The following CSE1L variants were observed in gnomAD, a reference collection of about 807,000 sequenced individuals.
CSE1L encodes the protein chromosome segregation 1 like.
In CSE1L, 24 loss-of-function variants were observed where a neutral mutation model predicts 120.4. The ratio of observed to expected loss-of-function variants is 0.20; its 90% CI spans 0.14 to 0.28. The LOEUF is 0.28. Ranked by LOEUF, CSE1L falls within the 10% of genes least tolerant of loss-of-function variation. The pLI is 1.00. For missense variants in CSE1L, 830 were observed against 1,145.2 expected (o/e 0.72, Z 3.97); for synonymous variants, 402 against 398.3 (o/e 1.01, Z -0.11).
intron 24 of CSE1L, 87 bp downstream of exon 24, chr20:49,095,050 A>G: frequency 9.9e-7 from 1 of 1,014,800 alleles, no homozygotes; most frequent in South Asian, 1.4e-5. Context: ...GTCTGTTTTC[A>G]TTGGTGGGCG....
intron 10 of CSE1L, among the ~76,000 whole-genome samples, chr20:49,073,566 A>G (rs767924488): frequency 2.0e-5 from 3 of 152,062 alleles, no homozygotes; most frequent in East Asian, 3.9e-4. Flanking sequence ...GCTTACTGCA[A>G]CCTCAACTTC....
chr20:49,065,312 A>ATTTTTTTTTTTTTTTTTTTTTTTTT (rs1568769017), intron 3 of CSE1L, among the ~76,000 whole-genome samples: 5 of 79,418 alleles, frequency 6.3e-5, no homozygotes, highest in Admixed American at 1.5e-4. Context: ...ATGAAAAAAA[A>ATTTTTTTTTTTTTTTTTTTTTTTTT]ATTTTTTTTT....
chr20:49,078,705 C>A, intron 14 of CSE1L, 83 bp downstream of exon 14: 3 of 821,276 alleles, frequency 3.7e-6, no homozygotes, highest in Non-Finnish European at 3.7e-6. Flanking sequence ...ACTGTGCAGT[C>A]ATTTTATATC....
In CSE1L at chr20:49,066,271, G is replaced by A; in HGVS notation, c.308G>A (p.Ser103Asn). 2 of 1,614,202 alleles carry A rather than the reference G, an allele frequency of 1.2e-6. No homozygotes were observed. Among genetic ancestry groups the A allele is most frequent in the Non-Finnish European group, 1.7e-6 (2 of 1,180,036 alleles). Residue 103 changes from serine to asparagine, a missense_variant, in exon 4 of 25, where the codon AGC becomes AAC. Ser to Asn is a conservative substitution (Grantham distance 46). Around this residue, in one of 4 missense-constraint regions of CSE1L, gnomAD observed 543 missense variants for 640.2 expected, o/e 0.85. Transcript: ENST00000262982. ...AACATAGTGCACTTGATGCTTAGCA[G>A]CCCAGAGCAAATTCAGAAGCAGGTA... ...KANIVHLMLS[S>N]PEQIQKQLSD...
At chr20:49,080,745 G>T (rs1306379550) in intron 14 of CSE1L, among the ~76,000 whole-genome samples, 1 of 152,136 alleles carries the variant, frequency 6.6e-6, no homozygotes, top group Non-Finnish European at 1.5e-5. Context: ...CAAAATGCTA[G>T]GATTACAGGC....
chr20:49,059,032 G>A (rs1042373884), intron 2 of CSE1L, among the ~76,000 whole-genome samples: 1 of 151,878 alleles, frequency 6.6e-6, no homozygotes, highest in African/African-American at 2.4e-5. Context: ...TCAGGAGGCT[G>A]AGTCAGGAGA....
rs549091740 is a variant in CSE1L, at chr20:49,072,597, T to G, written c.966T>G (p.Ala322=). ...LLVSNAIQFL[A]SVCERPHYKN... ...TAAGTAATGCAATTCAATTTCTGGC[T>G]TCAGTTTGTGAGAGACCTCATTATA... is the stretch of plus-strand genomic sequence containing the variant. Residue 322 remains alanine, a synonymous_variant, in exon 10 of 25, where the codon GCT becomes GCG. Transcript: ENST00000262982. The G allele has an allele frequency of 1.2e-5, 20 of 1,611,742 alleles. 1 individual carries two copies. The South Asian group carries it at 1.9e-4, about 15-fold the overall frequency.
intron 1 of CSE1L, among the ~76,000 whole-genome samples, chr20:49,054,004 T>G (rs184029373): frequency 6.6e-6 from 1 of 152,326 alleles, no homozygotes; most frequent in East Asian, 1.9e-4. Context: ...GAGTTTAAAG[T>G]GCTTTGTATT....
intron 12 of CSE1L, among the ~76,000 whole-genome samples, chr20:49,076,320 T>C (rs2091968034): frequency 6.6e-6 from 1 of 152,130 alleles, no homozygotes; most frequent in South Asian, 2.1e-4. Context: ...CCCGAGTAGC[T>C]GGGATTACAG....
At chr20:49,071,825 G>A (rs911036644) in intron 8 of CSE1L, among the ~76,000 whole-genome samples, 6 of 152,008 alleles carry the variant, frequency 3.9e-5, no homozygotes, top group Non-Finnish European at 7.4e-5. Context: ...AAAATTAGCC[G>A]GGCGTGATGG....
chr20:49,082,981 A>AG (rs2092025305), intron 14 of CSE1L, among the ~76,000 whole-genome samples: 1 of 148,038 alleles, frequency 6.8e-6, no homozygotes, highest in Non-Finnish European at 1.5e-5. Flanking sequence ...CACCGTACCC[A>AG]CCTACATCAT....
intron 1 of CSE1L, among the ~76,000 whole-genome samples, chr20:49,057,065 C>T (rs950250817): frequency 7.0e-4 from 106 of 152,168 alleles, no homozygotes; most frequent in Non-Finnish European, 1.4e-3. Flanking sequence ...GTGGCTCACG[C>T]CTGTAATCCT....
At position 49,067,227 on chromosome 20, in the gene CSE1L, G is replaced by A; in HGVS notation, c.514G>A (p.Glu172Lys). The change falls in exon 6 of 25, where the codon GAA (glutamate) becomes AAA (lysine). Residue 172 changes from glutamate (E) to lysine (K), a missense_variant. Transcript: ENST00000262982. Reference sequence around the variant, plus strand: ...ATTTAAGTCAAACGAGTTATGGACTGAAATTAAGCTTGTTCTGGATGCCTT... The same window carrying A: ...ATTTAAGTCAAACGAGTTATGGACTAAAATTAAGCTTGTTCTGGATGCCTT... ...HEFKSNELWT[E>K]IKLVLDAFAL... 5 of 1,612,128 alleles carry A rather than the reference G, an allele frequency of 3.1e-6. No homozygotes were observed. The highest frequency in any genetic ancestry group is 4.2e-6 in the Non-Finnish European group (5 of 1,178,810).
At chr20:49,061,453 T>C (rs1363541695) in intron 2 of CSE1L, among the ~76,000 whole-genome samples, 1 of 151,330 alleles carries the variant, frequency 6.6e-6, no homozygotes. Context: ...ATTACAGGCA[T>C]GAGCCACCGT....
At chr20:49,077,719 C>T (rs1228271639) in intron 13 of CSE1L, among the ~76,000 whole-genome samples, 2 of 151,906 alleles carry the variant, frequency 1.3e-5, no homozygotes, top group Non-Finnish European at 2.9e-5. Context: ...TTAAGGATAT[C>T]TTTTGGCCGG....
At chr20:49,061,549 CTGGAG>C (rs1175463388) in intron 2 of CSE1L, among the ~76,000 whole-genome samples, 2 of 150,314 alleles carry the variant, frequency 1.3e-5, no homozygotes, top group East Asian at 3.9e-4. Context: ...CTTGCCCAGG[CTGGAG>C]TGCAGTGGCG....
intron 21 of CSE1L, among the ~76,000 whole-genome samples, 189 bp downstream of exon 21, chr20:49,091,211 T>C (rs2092098795): frequency 6.6e-6 from 1 of 152,062 alleles, no homozygotes; most frequent in Admixed American, 6.6e-5. Context: ...TCGCTTGAGC[T>C]CAGGAGTTCA....
intron 1 of CSE1L, among the ~76,000 whole-genome samples, chr20:49,048,451 C>T (rs1341888993): frequency 5.3e-5 from 8 of 151,994 alleles, no homozygotes. Context: ...CATGTATTCT[C>T]GTGGGCGAAA....
At chr20:49,049,413 T>C (rs1464086426) in intron 1 of CSE1L, among the ~76,000 whole-genome samples, 1 of 152,122 alleles carries the variant, frequency 6.6e-6, no homozygotes. Context: ...ACTCCTGGAC[T>C]CAACCAATCT....
Sources: allele counts gnomAD v4.1 joint callset (sites outside exome capture counted in the v4.1 genomes callset), GRCh38; gene constraint gnomAD v4.1.1; regional missense constraint gnomAD v4.1.1; transcripts MANE v1.5; gene names NCBI Gene and HGNC (gene_info 2026-07-23, HGNC 2026-07-21).